The following SUGCT variants were observed in gnomAD, a reference collection of about 807,000 sequenced individuals.
SUGCT encodes succinyl-CoA:glutarate CoA-transferase.
SUGCT carries 41 observed loss-of-function variants against 55.0 expected under a neutral mutation model. That is an observed-to-expected ratio of 0.74 (90% CI 0.58 to 0.97). The LOEUF (loss-of-function observed/expected upper bound fraction) is 0.97, where lower values mean the gene tolerates loss of function less well. Among genes scored for constraint, SUGCT ranks in the 50% least tolerant of loss-of-function variants. The pLI is 0.00. For synonymous variants in SUGCT, 187 were observed against 200.4 expected, an observed-to-expected ratio of 0.93 and a Z score of 0.56; for missense variants, 568 against 547.8, an observed-to-expected ratio of 1.04 and a Z score of -0.37.
intron 12 of SUGCT, among the ~76,000 whole-genome samples, chr7:40,679,046 A>C (rs1784127203): frequency 6.6e-6 from 1 of 152,222 alleles, no homozygotes; most frequent in Admixed American, 6.5e-5. Context: ...GAGACTAGAC[A>C]TAAGAGTACT....
downstream of SUGCT, among the ~76,000 whole-genome samples, chr7:40,865,446 C>T (rs1303349137): frequency 6.6e-6 from 1 of 152,174 alleles, no homozygotes; most frequent in African/African-American, 2.4e-5. Context: ...AAGGGTACTC[C>T]AAATGCTACT....
chr7:40,599,487 G>T (rs1013684385), intron 12 of SUGCT, among the ~76,000 whole-genome samples: 1 of 151,954 alleles, frequency 6.6e-6, no homozygotes, highest in Non-Finnish European at 1.5e-5. Context: ...TCCTAAGAAT[G>T]GATTCATTTT....
chr7:40,168,964 C>A (rs950412145), intron 1 of SUGCT, among the ~76,000 whole-genome samples: 6 of 152,014 alleles, frequency 3.9e-5, no homozygotes, highest in African/African-American at 1.4e-4. Flanking sequence ...TCTGATGACC[C>A]CAGCAGTGTA....
chr7:40,160,057 A>G (rs541113966), intron 1 of SUGCT, among the ~76,000 whole-genome samples: 2 of 151,958 alleles, frequency 1.3e-5, no homozygotes, highest in African/African-American at 4.8e-5. Context: ...TTCCATCTCT[A>G]CCTGTGTCTT....
At chr7:40,505,829 C>T (rs779154879) in intron 12 of SUGCT, among the ~76,000 whole-genome samples, 23 of 151,474 alleles carry the variant, frequency 1.5e-4, no homozygotes, top group Non-Finnish European at 2.5e-4. Context: ...TTTTGTTAAC[C>T]CTATCTTATT....
the SUGCT span, among the ~76,000 whole-genome samples, chr7:40,924,354 C>T: frequency 6.6e-6 from 1 of 151,648 alleles, no homozygotes; most frequent in Non-Finnish European, 1.5e-5. Flanking sequence ...GATCCCCCCA[C>T]CTCAGCTTCC....
chr7:40,938,701 G>A, the SUGCT span, among the ~76,000 whole-genome samples: 2 of 151,964 alleles, frequency 1.3e-5, no homozygotes, highest in Non-Finnish European at 2.9e-5. Flanking sequence ...TCACACTGCT[G>A]ATAATACCCC....
chr7:40,898,480 C>CGG, the SUGCT span, among the ~76,000 whole-genome samples: 174 of 5,598 alleles, frequency 0.031, 8 homozygotes, highest in African/African-American at 0.052. Flanking sequence ...TCCGGGAGGT[C>CGG]GGGGGGGGGG....
At chr7:40,959,010 A>G in the SUGCT span, among the ~76,000 whole-genome samples, 1 of 152,186 alleles carries the variant, frequency 6.6e-6, no homozygotes, top group Non-Finnish European at 1.5e-5. Flanking sequence ...CAGAACAGCA[A>G]TGATTGCTGC....
At chr7:41,029,419 C>T in the SUGCT span, among the ~76,000 whole-genome samples, 1 of 152,184 alleles carries the variant, frequency 6.6e-6, no homozygotes, top group Non-Finnish European at 1.5e-5. Flanking sequence ...GTTGTCACAC[C>T]CCCTCCACCT....
At chr7:40,346,076 G>A (rs990068843) in intron 9 of SUGCT, among the ~76,000 whole-genome samples, 3 of 151,828 alleles carry the variant, frequency 2.0e-5, no homozygotes, top group Admixed American at 2.0e-4. Flanking sequence ...ATGAGATGGA[G>A]AATAACCATC....
intron 1 of SUGCT, among the ~76,000 whole-genome samples, chr7:40,174,000 G>A (rs1182873183): frequency 1.3e-5 from 2 of 151,198 alleles, no homozygotes; most frequent in Admixed American, 1.3e-4. Flanking sequence ...GAATGCAGTG[G>A]TGTGATCATG....
intron 12 of SUGCT, among the ~76,000 whole-genome samples, chr7:40,686,071 G>A (rs1175962382): frequency 6.6e-6 from 1 of 152,066 alleles, no homozygotes; most frequent in African/African-American, 2.4e-5. Flanking sequence ...AGAGCATCCT[G>A]TTTTTATTTT....
chr7:40,325,699 G>T (rs750473252), intron 9 of SUGCT, among the ~76,000 whole-genome samples: 4 of 152,128 alleles, frequency 2.6e-5, no homozygotes, highest in African/African-American at 7.2e-5. Context: ...CCAGCTACTC[G>T]GGAGGCTGAG....
chr7:40,971,665 G>T, the SUGCT span, among the ~76,000 whole-genome samples: 1 of 152,236 alleles, frequency 6.6e-6, no homozygotes, highest in Non-Finnish European at 1.5e-5. Context: ...GATTCTAAAT[G>T]TTAGATTCTG....
chr7:40,190,261 C>CT (rs1785805898), intron 5 of SUGCT, among the ~76,000 whole-genome samples: 3 of 152,036 alleles, frequency 2.0e-5, no homozygotes, highest in African/African-American at 7.2e-5. Flanking sequence ...TACTTTCTTT[C>CT]TTTTTTTAGA....
chr7:40,982,721 G>T, the SUGCT span, among the ~76,000 whole-genome samples: 61 of 152,104 alleles, frequency 4.0e-4, no homozygotes, highest in East Asian at 0.01. Flanking sequence ...CATGATCTCG[G>T]CTCACTGCAG....
At chr7:40,821,744 G>GT (rs1427391101) in intron 13 of SUGCT, among the ~76,000 whole-genome samples, 24 of 152,100 alleles carry the variant, frequency 1.6e-4, no homozygotes, top group African/African-American at 5.8e-4. Context: ...TTTTTGAAGG[G>GT]TTTTTTGTGT....
chr7:40,962,565 TCACACACACACACACACACACA>T, the SUGCT span, among the ~76,000 whole-genome samples: 1 of 136,030 alleles, frequency 7.4e-6, no homozygotes, highest in Non-Finnish European at 1.6e-5. Context: ...CAAAGGTAAA[TCACACACACACACACACACACA>T]CACACACACA....
Sources: gnomAD v4.1 joint callset for allele counts (sites outside exome capture counted in the v4.1 genomes callset) on GRCh38, gnomAD v4.1.1 for gene constraint, MANE v1.5 for transcripts, NCBI Gene and HGNC (gene_info 2026-07-23, HGNC 2026-07-21) for gene names.